Variants in RBM6 observed in about 807,000 individuals in gnomAD.
RBM6 encodes the protein RNA-binding protein 6.
A neutral mutation model predicts 140.4 loss-of-function variants in RBM6; 23 were observed. That is an observed-to-expected ratio of 0.16 (90% CI 0.12 to 0.23). RBM6 has a LOEUF of 0.23. Among genes scored for constraint, RBM6 ranks in the 10% least tolerant of loss-of-function variants. RBM6 has a pLI of 1.00. For synonymous variants in RBM6, 439 were observed against 475.6 expected, an observed-to-expected ratio of 0.92 and a Z score of 1.00; for missense variants, 1,139 against 1,386.7, an observed-to-expected ratio of 0.82 and a Z score of 2.84.
intron 1 of RBM6, among the ~76,000 whole-genome samples, chr3:49,950,583 C>T (rs2083688779): frequency 6.6e-6 from 1 of 151,858 alleles, no homozygotes; most frequent in Non-Finnish European, 1.5e-5. Context: ...GGTGAAACCC[C>T]GTCTCTACTA....
chr3:50,061,809 C>T, intron 14 of RBM6, 153 bp from the exon 15 acceptor site: 1 of 1,266,404 alleles, frequency 7.9e-7, no homozygotes. Flanking sequence ...GTCCTGGTCC[C>T]TGGAGTGGGT....
At chr3:50,063,913 C>T (rs536305465) in intron 15 of RBM6, among the ~76,000 whole-genome samples, 1 of 152,158 alleles carries the variant, frequency 6.6e-6, no homozygotes, top group South Asian at 2.1e-4. Context: ...GCTTGTGATT[C>T]AATTCATAAC....
chr3:50,042,955 T>C (rs145670619), intron 6 of RBM6, among the ~76,000 whole-genome samples: 53 of 152,238 alleles, frequency 3.5e-4, no homozygotes, highest in Middle Eastern at 6.8e-3. Context: ...TTTGCTCCTC[T>C]GTGGTGTCTC....
chr3:50,061,377 C>T, intron 13 of RBM6, 85 bp from the exon 14 acceptor site: 3 of 1,578,198 alleles, frequency 1.9e-6, no homozygotes, highest in South Asian at 1.2e-5. Flanking sequence ...GTGTTGGTCA[C>T]CCTAATTCTT....
At chr3:49,978,997 A>G (rs887083325) in intron 5 of RBM6, among the ~76,000 whole-genome samples, 1 of 152,190 alleles carries the variant, frequency 6.6e-6, no homozygotes, top group African/African-American at 2.4e-5. Flanking sequence ...ACTTCTCAGC[A>G]ATGAAGAAGA....
intron 1 of RBM6, among the ~76,000 whole-genome samples, chr3:49,949,280 C>G (rs1219036619): frequency 6.6e-6 from 1 of 151,820 alleles, no homozygotes; most frequent in Non-Finnish European, 1.5e-5. Flanking sequence ...CTTCTTTTTA[C>G]TTACCTCCCC....
In RBM6 at chr3:50,061,560, CTTTTTTT is replaced by C. The variant is rs10663019; in HGVS notation, c.2439+31_2439+37del. ...CCCCAATACCCAGGTGAGTTTGGGGCTTTTTTTTTTTTTTTTTTTTTTTTACCTCTGT... is the reference window on the plus strand; with the variant it reads ...CCCCAATACCCAGGTGAGTTTGGGGCTTTTTTTTTTTTTTTTTACCTCTGT... On this transcript the variant is annotated intron_variant, in intron 14 of 20. Coordinates refer to ENST00000266022, the MANE Select transcript of RBM6 (RefSeq NM_005777.3). 439 of 1,268,748 alleles carry C rather than the reference CTTTTTTT, an allele frequency of 3.5e-4. No homozygotes were observed. The highest frequency in any genetic ancestry group is 1.5e-3 in the Admixed American group (33 of 21,298). The allele number at this position is 1,268,748 out of a possible 1,614,324, so 78.6% of individuals were successfully genotyped here.
At chr3:50,053,508 G>A (rs928096569) in intron 7 of RBM6, among the ~76,000 whole-genome samples, 2 of 151,642 alleles carry the variant, frequency 1.3e-5, no homozygotes, top group African/African-American at 4.9e-5. Flanking sequence ...TCCAGCCTGG[G>A]CAACAAGAGT....
intron 6 of RBM6, among the ~76,000 whole-genome samples, chr3:50,047,483 G>A (rs1053392921): frequency 1.3e-5 from 2 of 152,182 alleles, no homozygotes; most frequent in African/African-American, 4.8e-5. Flanking sequence ...GGAGAGGCAA[G>A]GGAGCTCTTT....
intron 3 of RBM6, among the ~76,000 whole-genome samples, chr3:49,971,415 A>G (rs913617955): frequency 1.3e-5 from 2 of 149,980 alleles, no homozygotes; most frequent in Admixed American, 1.3e-4. Context: ...ACTGCACTCC[A>G]GCCTGGGCGA....
intron 6 of RBM6, among the ~76,000 whole-genome samples, chr3:50,043,575 T>C (rs890174994): frequency 1.3e-5 from 2 of 151,392 alleles, no homozygotes; most frequent in African/African-American, 4.9e-5. Flanking sequence ...TACACACATA[T>C]ATATATATGG....
intron 1 of RBM6, among the ~76,000 whole-genome samples, chr3:49,953,313 G>A (rs940064470): frequency 3.3e-5 from 5 of 151,276 alleles, no homozygotes; most frequent in African/African-American, 4.9e-5. Context: ...TCCACCTCCC[G>A]GATTCAAGTG....
intron 18 of RBM6, 60 bp downstream of exon 18, chr3:50,068,824 C>A: frequency 6.9e-7 from 1 of 1,450,750 alleles, no homozygotes; most frequent in Non-Finnish European, 9.7e-7. Flanking sequence ...CTGATATAGA[C>A]TTCATAGGCT....
rs778187801 is a variant in RBM6 at position 49,999,471 on chromosome 3, T to C, written c.1515T>C (p.Phe505=). The C allele has an allele frequency of 3.7e-5, 59 of 1,613,940 alleles. No homozygotes were observed. Among genetic ancestry groups the C allele is most frequent in the Non-Finnish European group, 1.1e-5 (13 of 1,179,980 alleles). ...ACTATGGCTATGTCTGCGTGGAGTT[T>C]TCACTCTTGGAAGATGCCATCGGAT... ...GYDYGYVCVE[F]SLLEDAIGCM... is the part of the protein sequence containing the mutation. The change falls in exon 6 of 21, where the codon TTT becomes TTC. Residue 505 remains phenylalanine (F), a synonymous_variant. Coordinates refer to ENST00000266022, the MANE Select transcript of RBM6 (RefSeq NM_005777.3).
At chr3:50,012,679 G>T (rs1289062650) in intron 6 of RBM6, among the ~76,000 whole-genome samples, 1 of 145,990 alleles carries the variant, frequency 6.8e-6, no homozygotes, top group East Asian at 2.1e-4. Flanking sequence ...TTACAAAAGT[G>T]ATTTCAGACT....
At chr3:50,055,416 T>C (rs1298697140) in intron 8 of RBM6, among the ~76,000 whole-genome samples, 1 of 151,248 alleles carries the variant, frequency 6.6e-6, no homozygotes, top group Non-Finnish European at 1.5e-5. Flanking sequence ...GGCAACAGAG[T>C]GAGAAAAAAA....
intron 6 of RBM6, among the ~76,000 whole-genome samples, chr3:50,039,825 C>G (rs1478841590): frequency 6.6e-6 from 1 of 152,154 alleles, no homozygotes; most frequent in Non-Finnish European, 1.5e-5. Context: ...TGTCTTCTCA[C>G]AAGGAGAGAA....
intron 6 of RBM6, among the ~76,000 whole-genome samples, chr3:50,008,372 C>T (rs992583907): frequency 6.6e-6 from 1 of 151,966 alleles, no homozygotes; most frequent in Non-Finnish European, 1.5e-5. Flanking sequence ...GTTTTAACCT[C>T]GTGCTTCAGT....
intron 1 of RBM6, among the ~76,000 whole-genome samples, chr3:49,948,417 A>C (rs756135256): frequency 3.3e-5 from 5 of 151,976 alleles, no homozygotes; most frequent in Non-Finnish European, 7.4e-5. Context: ...CCAGCTACTC[A>C]GGAGGCTAAG....
Sources: allele counts gnomAD v4.1 joint callset (sites outside exome capture counted in the v4.1 genomes callset), GRCh38; gene constraint gnomAD v4.1.1; transcripts MANE v1.5; gene names NCBI Gene and HGNC (gene_info 2026-07-23, HGNC 2026-07-21).